ANOS1: variants seen among roughly 807,000 people sequenced by gnomAD.
ANOS1 encodes the protein anosmin 1.
In ANOS1, 6 loss-of-function variants were observed where a neutral mutation model predicts 59.0. The ratio of observed to expected loss-of-function variants is 0.10; its 90% CI spans 0.06 to 0.20. ANOS1 has a LOEUF of 0.20. ANOS1 is among the 10% of genes least tolerant of loss of function. ANOS1 has a pLI of 1.00. For synonymous variants in ANOS1, 217 were observed against 223.4 expected, an observed-to-expected ratio of 0.97 and a Z score of 0.25; for missense variants, 433 against 542.3, an observed-to-expected ratio of 0.80 and a Z score of 2.00.
chrX:8,535,496 G>C, intron 12 of ANOS1, 95 bp downstream of exon 12: 1 of 650,321 alleles, frequency 1.5e-6, no homozygotes, highest in Non-Finnish European at 2.5e-6. Context: ...CAATAGTGCA[G>C]CACACAGAAT....
At chrX:8,601,692 T>C (rs750926923) in intron 3 of ANOS1, among the ~76,000 whole-genome samples, 22 of 112,257 alleles carry the variant, frequency 2.0e-4, no homozygotes, top group South Asian at 1.1e-3. Flanking sequence ...CACCCATGGT[T>C]TCTAGACTGG....
chrX:8,560,857 A>C (rs1930020833), intron 8 of ANOS1, among the ~76,000 whole-genome samples: 1 of 112,510 alleles, frequency 8.9e-6, no homozygotes, highest in Non-Finnish European at 1.9e-5. Flanking sequence ...CCACTCACTG[A>C]ATTTAGAGGT....
At chrX:8,609,938 C>T (rs943972573) in intron 3 of ANOS1, among the ~76,000 whole-genome samples, 3 of 88,369 alleles carry the variant, frequency 3.4e-5, no homozygotes, top group East Asian at 4.3e-4. Context: ...ACCCGGGAGG[C>T]GGAGCTTGCA....
At chrX:8,651,425 T>C (rs2146864361) in intron 2 of ANOS1, among the ~76,000 whole-genome samples, 1 of 111,965 alleles carries the variant, frequency 8.9e-6, no homozygotes, top group African/African-American at 3.2e-5. Context: ...GTAACAAAAC[T>C]GTTACCTCAT....
chrX:8,566,346 T>C (rs1281877238), intron 8 of ANOS1: 14 of 525,333 alleles, frequency 2.7e-5, no homozygotes, highest in Non-Finnish European at 3.2e-5. Flanking sequence ...TATATGTGTG[T>C]GTGTGTGTGT....
intron 3 of ANOS1, among the ~76,000 whole-genome samples, chrX:8,617,544 G>A (rs1012827867): frequency 9.0e-6 from 1 of 111,182 alleles, no homozygotes; most frequent in South Asian, 3.8e-4. Context: ...ACTTTGGGAG[G>A]TCGAGATGGG....
chrX:8,576,232 A>G (rs925449258), intron 6 of ANOS1, among the ~76,000 whole-genome samples: 2 of 111,133 alleles, frequency 1.8e-5, no homozygotes, highest in African/African-American at 6.5e-5. Context: ...TATGGGGTTC[A>G]GGTGAGACAG....
At position 8,581,304 on chromosome X, in the gene ANOS1, T is replaced by G. The variant is rs762278633; in HGVS notation, c.856+3963A>C. 2.7e-5 allele frequency among the ~76,000 whole-genome samples: 3 copies of G among 111,713 alleles called. No individual in the cohort carries two copies. The South Asian group carries it at 1.1e-3, about 42-fold the overall frequency. Reference sequence around the variant, plus strand: ...CTGCTTTTGCTTCTTCCTCATTTTCTCTTGCTGCCACCATGTAAGAAGAGT... The same window carrying G: ...CTGCTTTTGCTTCTTCCTCATTTTCGCTTGCTGCCACCATGTAAGAAGAGT... On this transcript the variant is annotated intron_variant, in intron 6 of 13. Coordinates refer to ENST00000262648, the MANE Select transcript of ANOS1 (RefSeq NM_000216.4).
At chrX:8,688,151 AT>A (rs1288826642) in intron 2 of ANOS1, among the ~76,000 whole-genome samples, 1 of 112,071 alleles carries the variant, frequency 8.9e-6, no homozygotes, top group Non-Finnish European at 1.9e-5. Flanking sequence ...AGTAGAGAAT[AT>A]TTTGACAGTG....
chrX:8,729,070 A>T (rs762470001), intron 1 of ANOS1, among the ~76,000 whole-genome samples: 5 of 112,404 alleles, frequency 4.4e-5, no homozygotes, highest in African/African-American at 1.6e-4. Flanking sequence ...TCACTGCCCC[A>T]GGGAATCTGT....
chrX:8,728,880 T>C (rs961951145), intron 1 of ANOS1, among the ~76,000 whole-genome samples: 1 of 111,708 alleles, frequency 9.0e-6, no homozygotes, highest in Non-Finnish European at 1.9e-5. Context: ...TGGGCGTGGT[T>C]GACAGCCACT....
At chrX:8,630,140 G>A (rs1931463733) in intron 2 of ANOS1, among the ~76,000 whole-genome samples, 2 of 112,046 alleles carry the variant, frequency 1.8e-5, no homozygotes, top group Admixed American at 1.9e-4. Context: ...AGTTAAGAAC[G>A]ACATGCCGGC....
chrX:8,571,598 G>T (rs1233721600), intron 6 of ANOS1, among the ~76,000 whole-genome samples: 1 of 111,897 alleles, frequency 8.9e-6, no homozygotes, highest in Non-Finnish European at 1.9e-5. Flanking sequence ...TACCATTTCT[G>T]GTTTGTCTTA....
At chrX:8,541,158 A>C (rs1385274982) in intron 9 of ANOS1, among the ~76,000 whole-genome samples, 2 of 103,934 alleles carry the variant, frequency 1.9e-5, no homozygotes, top group Non-Finnish European at 2.0e-5. Context: ...TAATCCCAGC[A>C]CTTTGGGAGG....
chrX:8,681,091 C>G (rs1396819670), intron 2 of ANOS1, among the ~76,000 whole-genome samples: 2 of 111,803 alleles, frequency 1.8e-5, no homozygotes, highest in African/African-American at 6.5e-5. Context: ...CCAAAACCCC[C>G]TTTTCTTTGT....
At chrX:8,726,358 C>T (rs771793054) in intron 1 of ANOS1, among the ~76,000 whole-genome samples, 83 of 111,158 alleles carry the variant, frequency 7.5e-4, no homozygotes, top group Non-Finnish European at 1.4e-3. Context: ...CTTTATAGGG[C>T]GAATAACGTC....
chrX:8,684,819 G>A (rs1434059433), intron 2 of ANOS1, among the ~76,000 whole-genome samples: 1 of 110,605 alleles, frequency 9.0e-6, no homozygotes, highest in Admixed American at 9.7e-5. Flanking sequence ...GTGAGAACTC[G>A]GAGACTTGCA....
intron 2 of ANOS1, among the ~76,000 whole-genome samples, chrX:8,656,035 G>A (rs1223551968): frequency 1.8e-5 from 2 of 111,892 alleles, no homozygotes; most frequent in East Asian, 2.8e-4. Context: ...TCACACACAC[G>A]AGCATTAGGC....
At chrX:8,567,604 G>C (rs753248576) in intron 8 of ANOS1, among the ~76,000 whole-genome samples, 2 of 111,761 alleles carry the variant, frequency 1.8e-5, no homozygotes, top group East Asian at 5.6e-4. Context: ...GGCCAGCCTG[G>C]CCAACATGGT....
Sources: gnomAD v4.1 joint callset for allele counts (sites outside exome capture counted in the v4.1 genomes callset) on GRCh38, gnomAD v4.1.1 for gene constraint, MANE v1.5 for transcripts, NCBI Gene and HGNC (gene_info 2026-07-23, HGNC 2026-07-21) for gene names.